Variants in BTBD10 observed in about 807,000 individuals in gnomAD.
BTBD10 encodes BTB/POZ domain-containing protein 10.
BTBD10 carries 21 observed loss-of-function variants against 53.2 expected under a neutral mutation model. The observed-to-expected ratio is 0.39, with a 90% CI of 0.28 to 0.57. The LOEUF is 0.57. BTBD10 is among the 20% of genes least tolerant of loss of function. The pLI is 0.53. For missense variants in BTBD10, 360 were observed against 594.7 expected (o/e 0.61, Z 4.10); for synonymous variants, 149 against 192.7 (o/e 0.77, Z 1.88).
rs567924163 is a variant in BTBD10, at chr11:13,395,456, T to C, written c.1118-6315A>G. ...GGATATTAGCCCTTTGTCAGATGAG[T>C]AGGTTGCAAAAATTTTCTCCCATCC... is the stretch of plus-strand genomic sequence containing the variant. On this transcript the variant is annotated intron_variant, in intron 8 of 8. Transcript: ENST00000278174. Among the ~76,000 whole-genome samples, 10 of 152,274 alleles carry C rather than the reference T, an allele frequency of 6.6e-5. No individual in the cohort carries two copies. In the South Asian group the frequency reaches 1.9e-3, roughly 28 times the overall value.
intron 1 of BTBD10, among the ~76,000 whole-genome samples, chr11:13,451,835 G>A (rs896926595): frequency 6.6e-6 from 1 of 152,070 alleles, no homozygotes; most frequent in Non-Finnish European, 1.5e-5. Context: ...AACAATTAAA[G>A]AAAAAGCCTA....
intron 2 of BTBD10, among the ~76,000 whole-genome samples, chr11:13,435,607 C>T (rs1355017609): frequency 6.6e-6 from 1 of 152,160 alleles, no homozygotes; most frequent in Non-Finnish European, 1.5e-5. Context: ...ATTCTCCTGC[C>T]TCAGACTCCC....
At chr11:13,416,197 CA>C in intron 5 of BTBD10, among the ~76,000 whole-genome samples, 1 of 151,146 alleles carries the variant, frequency 6.6e-6, no homozygotes, top group South Asian at 2.1e-4. Flanking sequence ...ACTAAAAATA[CA>C]AAAAAATTAG....
intron 2 of BTBD10, among the ~76,000 whole-genome samples, chr11:13,422,965 C>T (rs1408694670): frequency 5.9e-5 from 9 of 151,982 alleles, no homozygotes; most frequent in Non-Finnish European, 1.3e-4. Flanking sequence ...AAGAGTTATC[C>T]CAACTTCCAA....
intron 2 of BTBD10, among the ~76,000 whole-genome samples, chr11:13,427,032 C>T (rs972643702): frequency 6.6e-5 from 10 of 152,152 alleles, no homozygotes; most frequent in African/African-American, 2.2e-4. Flanking sequence ...CCTTTGGCAA[C>T]GTGGCAAAGC....
Position 13,419,445 on chromosome 11 carries a change from T to C in BTBD10, c.584+15A>G. The C allele has an allele frequency of 6.3e-7, 1 of 1,599,252 alleles. No homozygotes were observed. ...CATTATAATTAGTAATGCAAATAAC[T>C]GCAATAATACAAACCTGCCCAACAT... On this transcript the variant is annotated intron_variant, in intron 4 of 8. Coordinates refer to ENST00000278174, the MANE Select transcript of BTBD10 (RefSeq NM_032320.7).
At chr11:13,457,940 T>C (rs1951006075) in intron 1 of BTBD10, among the ~76,000 whole-genome samples, 1 of 152,086 alleles carries the variant, frequency 6.6e-6, no homozygotes, top group South Asian at 2.1e-4. Flanking sequence ...CAGAAAGAAA[T>C]TACTCCAAAT....
At chr11:13,449,352 T>C (rs1243972849) in intron 1 of BTBD10, among the ~76,000 whole-genome samples, 1 of 152,180 alleles carries the variant, frequency 6.6e-6, no homozygotes, top group African/African-American at 2.4e-5. Flanking sequence ...CAACTCTATA[T>C]TATTATCCTG....
intron 1 of BTBD10, among the ~76,000 whole-genome samples, chr11:13,459,095 C>T (rs1354083357): frequency 1.4e-5 from 2 of 145,544 alleles, no homozygotes; most frequent in African/African-American, 2.5e-5. Context: ...CTCGCTCTGT[C>T]GCCCAGGCTG....
chr11:13,389,962 C>T (rs577648944), intron 8 of BTBD10, among the ~76,000 whole-genome samples: 53 of 152,248 alleles, frequency 3.5e-4, no homozygotes, highest in Non-Finnish European at 6.2e-4. Flanking sequence ...AACATTACTA[C>T]TCCCAACAAC....
At chr11:13,389,769 C>T (rs1949359364) in intron 8 of BTBD10, among the ~76,000 whole-genome samples, 1 of 152,212 alleles carries the variant, frequency 6.6e-6, no homozygotes. Flanking sequence ...ACCCGGCCTA[C>T]AGGCCTGGAA....
chr11:13,439,862 C>A, intron 2 of BTBD10: 2 of 1,495,418 alleles, frequency 1.3e-6, no homozygotes, highest in South Asian at 2.5e-5. Context: ...CCAGAGATAT[C>A]ATGTAATAAA....
intron 2 of BTBD10, among the ~76,000 whole-genome samples, chr11:13,426,837 A>T (rs1235901385): frequency 6.6e-6 from 1 of 152,224 alleles, no homozygotes; most frequent in Non-Finnish European, 1.5e-5. Flanking sequence ...CAAATGGGAC[A>T]AACGGAAAAT....
intron 1 of BTBD10, among the ~76,000 whole-genome samples, chr11:13,457,402 T>C (rs1035356339): frequency 6.6e-5 from 10 of 152,102 alleles, no homozygotes; most frequent in African/African-American, 2.4e-4. Flanking sequence ...GTTAACTGAA[T>C]AAACTACATG....
At chr11:13,453,225 G>T (rs1950899286) in intron 1 of BTBD10, among the ~76,000 whole-genome samples, 1 of 151,592 alleles carries the variant, frequency 6.6e-6, no homozygotes, top group Non-Finnish European at 1.5e-5. Context: ...TAAAAAGCAA[G>T]ACACAGATAT....
intron 1 of BTBD10, among the ~76,000 whole-genome samples, chr11:13,449,459 T>C (rs1950811916): frequency 2.0e-5 from 3 of 151,924 alleles, no homozygotes; most frequent in Admixed American, 1.3e-4. Flanking sequence ...TATATAAAAA[T>C]TGGTACTTTT....
chr11:13,447,266 G>A (rs936479920), intron 1 of BTBD10, among the ~76,000 whole-genome samples: 4 of 151,928 alleles, frequency 2.6e-5, no homozygotes, highest in South Asian at 4.1e-4. Flanking sequence ...GCACCCAGCC[G>A]TTTCTTTCGA....
intron 8 of BTBD10, among the ~76,000 whole-genome samples, chr11:13,397,659 G>A (rs1949591676): frequency 6.6e-6 from 1 of 152,100 alleles, no homozygotes; most frequent in Non-Finnish European, 1.5e-5. Context: ...GATCTTTCCT[G>A]CTTTCTCTTG....
intron 2 of BTBD10, 151 bp from the exon 3 acceptor site, chr11:13,421,989 T>C (rs1190768834): frequency 3.2e-6 from 2 of 628,276 alleles, no homozygotes; most frequent in African/African-American, 1.9e-5. Flanking sequence ...TACCTCAAAC[T>C]TGTAGGCTTT....
Sources: gnomAD v4.1 joint callset for allele counts (sites outside exome capture counted in the v4.1 genomes callset) on GRCh38, gnomAD v4.1.1 for gene constraint, MANE v1.5 for transcripts, NCBI Gene and HGNC (gene_info 2026-07-23, HGNC 2026-07-21) for gene names.